The following ERLEC1 variants were observed in gnomAD, a reference collection of about 807,000 sequenced individuals.
The protein encoded by ERLEC1 is ER lectin.
A neutral mutation model predicts 68.0 loss-of-function variants in ERLEC1; 47 were observed. That is an observed-to-expected ratio of 0.69 (90% CI 0.55 to 0.88). The LOEUF is 0.88. Ranked by LOEUF, ERLEC1 falls within the 40% of genes least tolerant of loss-of-function variation. The probability of loss-of-function intolerance (pLI) is 0.00; values close to 1 mark genes in which losing one functional copy is unlikely to be tolerated. For synonymous variants in ERLEC1, 225 were observed against 203.2 expected (o/e 1.11, Z -0.91); for missense variants, 567 against 583.8 (o/e 0.97, Z 0.30).
intron 8 of ERLEC1, 30 bp downstream of exon 8, chr2:53,801,872 G>A: frequency 6.3e-7 from 1 of 1,580,546 alleles, no homozygotes; most frequent in Non-Finnish European, 8.6e-7. Context: ...ATAGCTTTTT[G>A]GTGCTTCATT....
intron 13 of ERLEC1, among the ~76,000 whole-genome samples, chr2:53,816,306 A>C (rs1573112479): frequency 1.5e-5 from 2 of 134,462 alleles, no homozygotes; most frequent in African/African-American, 2.8e-5. Context: ...TCACTCTGTC[A>C]CCCAGGCTGG....
chr2:53,814,479 C>A, intron 11 of ERLEC1, 64 bp from the exon 12 acceptor site: 1 of 1,126,586 alleles, frequency 8.9e-7, no homozygotes, highest in Non-Finnish European at 1.3e-6. Context: ...CTCACCCTAC[C>A]CATTACAATT....
intron 10 of ERLEC1, among the ~76,000 whole-genome samples, chr2:53,811,426 A>T (rs1676585616): frequency 1.3e-5 from 2 of 152,238 alleles, no homozygotes; most frequent in African/African-American, 4.8e-5. Context: ...TCCCATAAAC[A>T]GTGGCTACAT....
At chr2:53,788,694 G>C (rs1675217703) in intron 1 of ERLEC1, 1 of 151,856 alleles carries the variant, frequency 6.6e-6, no homozygotes, top group Non-Finnish European at 1.5e-5. Context: ...CAAATGTTCT[G>C]AATTTATCTA....
intron 9 of ERLEC1, 43 bp downstream of exon 9, chr2:53,808,503 T>C (rs774795319): frequency 1.6e-5 from 26 of 1,596,570 alleles, no homozygotes; most frequent in Non-Finnish European, 2.1e-5. Context: ...TTTACAACTT[T>C]ACCTGCCAGG....
chr2:53,787,217 G>A lies in ERLEC1; in HGVS notation c.7G>A (p.Glu3Lys). Residue 3 changes from glutamate to lysine, a missense_variant, in exon 1 of 14, where the codon GAA becomes AAA. Transcript: ENST00000185150. ME[E>K]GGGGVRSLVP... ...GAGAAAGCGGCGGCGGAGGATGGAG[G>A]AAGGAGGCGGCGGCGTACGGAGTCT... 9 of 1,601,896 alleles carry A rather than the reference G, an allele frequency of 5.6e-6. No individual in the cohort carries two copies. Among genetic ancestry groups the A allele is most frequent in the Non-Finnish European group, 7.6e-6 (9 of 1,177,642 alleles).
At chr2:53,801,987 A>G (rs1676030633) in intron 8 of ERLEC1, 145 bp downstream of exon 8, 1 of 645,716 alleles carries the variant, frequency 1.5e-6, no homozygotes, top group Non-Finnish European at 2.7e-6. Flanking sequence ...CTTTTCATTG[A>G]TTTTAATCCT....
intron 10 of ERLEC1, 125 bp downstream of exon 10, chr2:53,809,398 A>G (rs577181844): frequency 1.4e-6 from 1 of 705,638 alleles, no homozygotes; most frequent in African/African-American, 1.9e-5. Context: ...GATTAGTATA[A>G]TCAAAGTATC....
intron 5 of ERLEC1, 24 bp from the exon 6 acceptor site, chr2:53,799,023 T>C (rs1458736442): frequency 1.2e-6 from 2 of 1,610,212 alleles, no homozygotes; most frequent in Admixed American, 1.7e-5. Flanking sequence ...GCTCATTCTT[T>C]ACACTTACCT....
rs553192474 is a variant in ERLEC1 at position 53,801,485 on chromosome 2, G to A, written c.614G>A (p.Arg205Gln). ...ACACCTTGTAGTTTGAAACAGAACCGGCCCAGATCAAGTACTGTGATGTAC... is the reference window on the plus strand; with the variant it reads ...ACACCTTGTAGTTTGAAACAGAACCAGCCCAGATCAAGTACTGTGATGTAC... Reference protein sequence around the residue: ...NGTPCSLKQNRPRSSTVMYIC... With the variant: ...NGTPCSLKQNQPRSSTVMYIC... Residue 205 changes from arginine to glutamine, a missense_variant, in exon 7 of 14, where the codon CGG (arginine) becomes CAG (glutamine). Physicochemically the swap from Arg to Gln is conservative, Grantham distance 43. Transcript: ENST00000185150. The A allele has an allele frequency of 1.4e-5, 23 of 1,613,886 alleles. No individual in the cohort carries two copies. The highest frequency in any genetic ancestry group is 8.9e-5 in the East Asian group (4 of 44,868).
chr2:53,797,427 G>C lies in ERLEC1; in HGVS notation c.349-88G>C, dbSNP rs144046106. 169 of 889,772 alleles carry C rather than the reference G, an allele frequency of 1.9e-4. 2 individuals are homozygous for C. The East Asian group carries it at 4.0e-3, about 21-fold the overall frequency. 55.1% of individuals were successfully genotyped at this position (889,772 alleles called of 1,614,324 possible). ...AATGAAAGCTTACTCTGAAATCTTAGGGGAAGTCTCAGCTGCTTCAAATAT... is the reference window on the plus strand; with the variant it reads ...AATGAAAGCTTACTCTGAAATCTTACGGGAAGTCTCAGCTGCTTCAAATAT... On this transcript the variant is annotated intron_variant, in intron 3 of 13. Coordinates refer to ENST00000185150, the MANE Select transcript of ERLEC1 (RefSeq NM_015701.5).
In ERLEC1 at chr2:53,797,523, T is replaced by G. The variant is rs958651769; in HGVS notation, c.357T>G (p.Ser119=). Residue 119 remains serine, a synonymous_variant, in exon 4 of 14, where the codon TCT becomes TCG. Coordinates refer to ENST00000185150, the MANE Select transcript of ERLEC1 (RefSeq NM_015701.5). Reference sequence around the variant, plus strand: ...ATATCCATCTTTTTTAGATTGAGTCTTATTGGACTTACGAAGTATGTCATG... The same window carrying G: ...ATATCCATCTTTTTTAGATTGAGTCGTATTGGACTTACGAAGTATGTCATG... The part of the protein sequence containing the change: ...KQSSCSYRIE[S]YWTYEVCHGK... 2 of 1,611,320 alleles carry G rather than the reference T, an allele frequency of 1.2e-6. No individual in the cohort carries two copies. The highest frequency in any genetic ancestry group is 1.7e-6 in the Non-Finnish European group (2 of 1,178,848).
intron 1 of ERLEC1, among the ~76,000 whole-genome samples, chr2:53,792,106 G>C (rs1422298324): frequency 6.6e-6 from 1 of 151,858 alleles, no homozygotes; most frequent in East Asian, 1.9e-4. Context: ...AGTAGAGACA[G>C]GGTTTCACCG....
chr2:53,817,419 C>T (rs1287755437), intron 13 of ERLEC1, among the ~76,000 whole-genome samples: 1 of 152,138 alleles, frequency 6.6e-6, no homozygotes, highest in Admixed American at 6.5e-5. Flanking sequence ...AGGCATGAGC[C>T]ATCGTGCCCA....
intron 6 of ERLEC1, among the ~76,000 whole-genome samples, chr2:53,799,664 T>A (rs1367890921): frequency 6.6e-6 from 1 of 152,042 alleles, no homozygotes; most frequent in Non-Finnish European, 1.5e-5. Context: ...TTTTATAGAG[T>A]TTTTAAAAAT....
At chr2:53,795,791 T>C (rs1675661313) in intron 2 of ERLEC1, 142 bp from the exon 3 acceptor site, 3 of 571,846 alleles carry the variant, frequency 5.2e-6, no homozygotes, top group Non-Finnish European at 9.1e-6. Context: ...TGGCGTACCG[T>C]AGGGTCTTGT....
Position 53,787,053 on chromosome 2 carries a change from G to A in ERLEC1, c.-158G>A. On this transcript the variant is annotated 5_prime_UTR_variant, in exon 1 of 14. Coordinates refer to ENST00000185150, the MANE Select transcript of ERLEC1 (RefSeq NM_015701.5). The stretch of plus-strand genomic sequence containing the variant: ...GGAGGCTCAAGGGGGCGGAGGCGGC[G>A]TTGCCGGGCTCTCCGGAAGGAGACG... The A allele has an allele frequency of 9.6e-7, 1 of 1,038,652 alleles. No individual in the cohort carries two copies. Among genetic ancestry groups the A allele is most frequent in the East Asian group, 2.8e-5 (1 of 35,492 alleles). 64.3% of individuals were successfully genotyped at this position (1,038,652 alleles called of 1,614,324 possible).
chr2:53,801,830 G>C lies in ERLEC1; in HGVS notation c.867G>C (p.Arg289Ser). 1 of 1,613,372 alleles carries C rather than the reference G, an allele frequency of 6.2e-7. No homozygotes were observed. Among genetic ancestry groups the C allele is most frequent in the South Asian group, 1.1e-5 (1 of 90,948 alleles). Reference protein sequence around the residue: ...QQEEILRVPFRRNKEEDLQST... With the variant: ...QQEEILRVPFSRNKEEDLQST... ...AAGAAATACTAAGGGTGCCTTTTAG[G>C]AGAAATAAAGAGGTATGAGAATTGT... is the stretch of plus-strand genomic sequence containing the variant. Residue 289 changes from arginine (R) to serine (S), a missense_variant, in exon 8 of 14, where the codon AGG becomes AGC. Physicochemically the swap from Arg to Ser is moderately radical, Grantham distance 110. Coordinates refer to ENST00000185150, the MANE Select transcript of ERLEC1 (RefSeq NM_015701.5).
At chr2:53,789,881 T>C (rs1214773801) in intron 1 of ERLEC1, among the ~76,000 whole-genome samples, 1 of 151,714 alleles carries the variant, frequency 6.6e-6, no homozygotes, top group Non-Finnish European at 1.5e-5. Context: ...TAGCCGGGCA[T>C]GGTGGCACAT....
Sources: gnomAD v4.1 joint callset for allele counts (sites outside exome capture counted in the v4.1 genomes callset) on GRCh38, gnomAD v4.1.1 for gene constraint, MANE v1.5 for transcripts, NCBI Gene and HGNC (gene_info 2026-07-23, HGNC 2026-07-21) for gene names.